Variants in PALD1 observed in about 807,000 individuals in gnomAD.
PALD1 encodes phosphatase domain containing paladin 1.
In PALD1, 57 loss-of-function variants were observed where a neutral mutation model predicts 96.0. The observed-to-expected ratio is 0.59, with a 90% CI of 0.48 to 0.74. PALD1 has a LOEUF of 0.74. Among genes scored for constraint, PALD1 ranks in the 30% least tolerant of loss-of-function variants. The pLI, the probability that PALD1 is intolerant of heterozygous loss-of-function variation, is 0.00. For missense variants in PALD1, 1,063 were observed against 1,143.7 expected, an observed-to-expected ratio of 0.93 and a Z score of 1.02; for synonymous variants, 464 against 473.6, an observed-to-expected ratio of 0.98 and a Z score of 0.26.
chr10:70,478,045 T>TG (rs200912603), upstream of PALD1, among the ~76,000 whole-genome samples: 7,424 of 89,122 alleles, frequency 0.083, 219 homozygotes, highest in South Asian at 0.13. Flanking sequence ...TGAGGAGTGG[T>TG]GGGGGGGGCA....
chr10:70,534,694 C>A (rs2132380186), intron 9 of PALD1, 45 bp from the exon 10 acceptor site: 2 of 1,359,054 alleles, frequency 1.5e-6, no homozygotes, highest in South Asian at 2.4e-5. Flanking sequence ...ACCCTGCTCC[C>A]CACCCCCCCA....
chr10:70,504,203 C>T lies in PALD1; in HGVS notation c.-29-21720C>T, dbSNP rs532862011. On this transcript the variant is annotated intron_variant, in intron 1 of 19. Coordinates refer to ENST00000263563, the MANE Select transcript of PALD1 (RefSeq NM_014431.3). ...CTTGTATACATATATCAATAGCTAC[C>T]ACACTGGAAATTGAAACAGTATATT... 6.0e-4 allele frequency among the ~76,000 whole-genome samples: 91 copies of T among 152,338 alleles called. 1 individual carries two copies. Among genetic ancestry groups the T allele is most frequent in the Non-Finnish European group, 1.1e-3 (73 of 68,034 alleles).
chr10:70,531,247 G>A (rs776934336), intron 4 of PALD1, 43 bp from the exon 5 acceptor site: 5 of 1,572,130 alleles, frequency 3.2e-6, no homozygotes, highest in East Asian at 2.3e-5. Context: ...GTGTCTGTGC[G>A]GGATCATGAT....
chr10:70,501,007 G>C (rs1423625739), intron 1 of PALD1, among the ~76,000 whole-genome samples: 1 of 152,170 alleles, frequency 6.6e-6, no homozygotes, highest in Non-Finnish European at 1.5e-5. Flanking sequence ...CCAGCAGGTG[G>C]GGGCTCCTGA....
chr10:70,496,447 T>C (rs1384622276), intron 1 of PALD1, among the ~76,000 whole-genome samples: 1 of 152,080 alleles, frequency 6.6e-6, no homozygotes, highest in Non-Finnish European at 1.5e-5. Flanking sequence ...CTGTAGGTGG[T>C]CACTCTCCTG....
rs7902112 is a variant in PALD1 at position 70,509,910 on chromosome 10, T to C, written c.-29-16013T>C. Among the ~76,000 whole-genome samples the C allele has an allele frequency of 8.4e-3, 1,272 of 152,306 alleles. 18 individuals carry two copies. The highest frequency in any genetic ancestry group is 0.029 in the African/African-American group (1,211 of 41,556). ...GAAACATTGATTTTGCACAAAGAAT[T>C]CAGCCGCTGAAATGTCTGAAAACCA... On this transcript the variant is annotated intron_variant, in intron 1 of 19. Coordinates refer to ENST00000263563, the MANE Select transcript of PALD1 (RefSeq NM_014431.3).
chr10:70,486,066 C>T, intron 1 of PALD1: 1 of 225,040 alleles, frequency 4.4e-6, no homozygotes, highest in Non-Finnish European at 1.0e-5. Context: ...GCAAGTTATG[C>T]CGATTGTTTA....
chr10:70,542,001 C>T (rs1847258906), intron 17 of PALD1, among the ~76,000 whole-genome samples: 1 of 152,236 alleles, frequency 6.6e-6, no homozygotes, highest in Admixed American at 6.5e-5. Flanking sequence ...GCACCTGCCA[C>T]ATGCCACAGG....
At chr10:70,549,296 C>T (rs1407238198) in intron 18 of PALD1, among the ~76,000 whole-genome samples, 1 of 152,180 alleles carries the variant, frequency 6.6e-6, no homozygotes, top group East Asian at 1.9e-4. Flanking sequence ...ATGGAAGCTT[C>T]CAGTTCAGTC....
At chr10:70,520,257 G>A (rs1846703033) in intron 1 of PALD1, among the ~76,000 whole-genome samples, 1 of 152,136 alleles carries the variant, frequency 6.6e-6, no homozygotes, top group African/African-American at 2.4e-5. Flanking sequence ...AAGCTCACTG[G>A]GCTTGACATG....
chr10:70,531,541 C>A (rs749354403), intron 5 of PALD1, 87 bp downstream of exon 5: 68 of 1,311,192 alleles, frequency 5.2e-5, no homozygotes, highest in Non-Finnish European at 6.2e-5. Flanking sequence ...CCTGCTCTTA[C>A]TGGCCCGTGT....
At chr10:70,523,265 T>C (rs1431548350) in intron 1 of PALD1, among the ~76,000 whole-genome samples, 2 of 151,060 alleles carry the variant, frequency 1.3e-5, no homozygotes, top group Admixed American at 1.3e-4. Context: ...GGCGGAGGTG[T>C]CAGGCCGAGC....
At chr10:70,534,888 C>T (rs1847078148) in intron 10 of PALD1, 45 bp downstream of exon 10, 5 of 1,273,074 alleles carry the variant, frequency 3.9e-6, no homozygotes, top group Non-Finnish European at 5.7e-6. Flanking sequence ...CTCTGTGAGC[C>T]CTGCAGCCTG....
chr10:70,513,588 C>G (rs777165588), intron 1 of PALD1, among the ~76,000 whole-genome samples: 9 of 152,146 alleles, frequency 5.9e-5, no homozygotes, highest in Non-Finnish European at 1.0e-4. Context: ...CCATTTACTT[C>G]TCTCTCTAAA....
chr10:70,518,478 T>C (rs1163050753), intron 1 of PALD1, among the ~76,000 whole-genome samples: 1 of 152,196 alleles, frequency 6.6e-6, no homozygotes, highest in African/African-American at 2.4e-5. Flanking sequence ...GAGTTCCAGT[T>C]ACTCATATCT....
intron 1 of PALD1, among the ~76,000 whole-genome samples, chr10:70,519,801 C>A (rs113600254): frequency 0.09 from 13,682 of 152,030 alleles, 1,463 homozygotes; most frequent in African/African-American, 0.26. Flanking sequence ...TCTCGAACTC[C>A]TGACTTCAGG....
chr10:70,538,470 ACT>A, intron 12 of PALD1, 62 bp downstream of exon 12: 1 of 1,536,772 alleles, frequency 6.5e-7, no homozygotes, highest in South Asian at 1.2e-5. Flanking sequence ...GCCCCTAAAC[ACT>A]GGATTCCTGT....
chr10:70,552,732 A>G (rs568754703), intron 18 of PALD1, among the ~76,000 whole-genome samples: 109 of 152,334 alleles, frequency 7.2e-4, no homozygotes, highest in Non-Finnish European at 1.2e-3. Context: ...CCTCTTAAAC[A>G]ATGGACAGTC....
chr10:70,486,534 G>A (rs1279850011), intron 1 of PALD1, among the ~76,000 whole-genome samples: 1 of 152,156 alleles, frequency 6.6e-6, no homozygotes, highest in Admixed American at 6.6e-5. Flanking sequence ...GCCGGGGCAG[G>A]CGGATCACTT....
Sources: gnomAD v4.1 joint callset for allele counts (sites outside exome capture counted in the v4.1 genomes callset) on GRCh38, gnomAD v4.1.1 for gene constraint, MANE v1.5 for transcripts, NCBI Gene and HGNC (gene_info 2026-07-23, HGNC 2026-07-21) for gene names.